Variants in CNTNAP2 observed in about 807,000 individuals in gnomAD.
CNTNAP2 encodes contactin associated protein 2.
In CNTNAP2, 98 loss-of-function variants were observed where a neutral mutation model predicts 155.2. That is an observed-to-expected ratio of 0.63 (90% CI 0.54 to 0.75). The LOEUF (loss-of-function observed/expected upper bound fraction) is 0.75, where lower values mean the gene tolerates loss of function less well. CNTNAP2 is among the 30% of genes least tolerant of loss of function. CNTNAP2 has a pLI of 0.00. For synonymous variants in CNTNAP2, 651 were observed against 631.2 expected (o/e 1.03, Z -0.47); for missense variants, 1,727 against 1,688.1 (o/e 1.02, Z -0.40).
At chr7:146,354,805 G>A (rs1240843046) in intron 1 of CNTNAP2, among the ~76,000 whole-genome samples, 2 of 140,970 alleles carry the variant, frequency 1.4e-5, no homozygotes, top group African/African-American at 6.5e-5. Flanking sequence ...TTCTAATCAC[G>A]AAGGAGGAGA....
chr7:147,792,204 A>G (rs117614315), intron 13 of CNTNAP2, among the ~76,000 whole-genome samples: 2 of 152,316 alleles, frequency 1.3e-5, no homozygotes, highest in East Asian at 1.9e-4. Context: ...CTTTATGAAG[A>G]TACAATTCAC....
chr7:147,382,569 G>T (rs1187756722), intron 9 of CNTNAP2, among the ~76,000 whole-genome samples: 1 of 152,134 alleles, frequency 6.6e-6, no homozygotes, highest in African/African-American at 2.4e-5. Context: ...ATATTAAAAT[G>T]GAGGAGTCAA....
chr7:146,825,698 A>G (rs1440953959), intron 2 of CNTNAP2, among the ~76,000 whole-genome samples: 1 of 152,174 alleles, frequency 6.6e-6, no homozygotes, highest in African/African-American at 2.4e-5. Context: ...ACTGCAAGTC[A>G]GAGCAATATC....
intron 10 of CNTNAP2, among the ~76,000 whole-genome samples, chr7:147,441,813 TTCTCTCTCTCTCTCTCTCTCTCTC>T (rs568227936): frequency 2.0e-5 from 2 of 102,112 alleles, no homozygotes; most frequent in Non-Finnish European, 3.6e-5. Flanking sequence ...TGTAGTCTCT[TTCTCTCTCTCTCTCTCTCTCTCTC>T]TCTCTCTCTC....
At chr7:146,943,879 C>T (rs1004756131) in intron 3 of CNTNAP2, among the ~76,000 whole-genome samples, 1 of 152,094 alleles carries the variant, frequency 6.6e-6, no homozygotes, top group Admixed American at 6.5e-5. Context: ...ATTAGCATAA[C>T]ACAGCATTTT....
At chr7:148,247,349 A>C (rs1796280161) in intron 20 of CNTNAP2, among the ~76,000 whole-genome samples, 1 of 152,154 alleles carries the variant, frequency 6.6e-6, no homozygotes, top group African/African-American at 2.4e-5. Flanking sequence ...TGTGAGTCCC[A>C]TTTAAAATCA....
At chr7:147,928,501 A>G (rs1383565783) in intron 14 of CNTNAP2, among the ~76,000 whole-genome samples, 1 of 152,208 alleles carries the variant, frequency 6.6e-6, no homozygotes, top group African/African-American at 2.4e-5. Flanking sequence ...TCTCATTAGA[A>G]GAAAACTTTA....
At chr7:147,082,783 G>A (rs962881654) in intron 4 of CNTNAP2, 5 of 152,168 alleles carry the variant, frequency 3.3e-5, no homozygotes, top group African/African-American at 4.8e-5. Context: ...TGATGGAAGT[G>A]TCAGGGTGGA....
chr7:146,348,302 G>A (rs1794847976), intron 1 of CNTNAP2, among the ~76,000 whole-genome samples: 1 of 152,144 alleles, frequency 6.6e-6, no homozygotes, highest in Admixed American at 6.5e-5. Flanking sequence ...GCAGGCACCA[G>A]TAATCCCAGC....
At chr7:147,773,781 C>T (rs1213499794) in intron 13 of CNTNAP2, among the ~76,000 whole-genome samples, 1 of 152,118 alleles carries the variant, frequency 6.6e-6, no homozygotes, top group African/African-American at 2.4e-5. Context: ...CAGATCTTGC[C>T]CCACTCTCTT....
chr7:148,312,589 A>G (rs1242363328), intron 21 of CNTNAP2, among the ~76,000 whole-genome samples: 2 of 152,118 alleles, frequency 1.3e-5, no homozygotes, highest in East Asian at 3.9e-4. Flanking sequence ...ATAGGAGAGT[A>G]TATGGGTTTG....
intron 8 of CNTNAP2, among the ~76,000 whole-genome samples, chr7:147,133,168 C>T (rs866237010): frequency 2.6e-5 from 4 of 152,134 alleles, no homozygotes; most frequent in Non-Finnish European, 4.4e-5. Context: ...CTTGGAAGTT[C>T]TTTGATAAAT....
intron 1 of CNTNAP2, among the ~76,000 whole-genome samples, chr7:146,426,788 G>A (rs192539256): frequency 2.6e-5 from 4 of 151,946 alleles, no homozygotes; most frequent in African/African-American, 7.2e-5. Context: ...TATACATCAC[G>A]GGGACTACAG....
intron 13 of CNTNAP2, among the ~76,000 whole-genome samples, chr7:147,898,152 A>G (rs1799248830): frequency 6.6e-6 from 1 of 152,222 alleles, no homozygotes; most frequent in African/African-American, 2.4e-5. Context: ...AAAAATCAAG[A>G]AATTTGTTTG....
At chr7:146,796,148 A>G (rs762813188) in intron 2 of CNTNAP2, among the ~76,000 whole-genome samples, 1 of 152,226 alleles carries the variant, frequency 6.6e-6, no homozygotes, top group African/African-American at 2.4e-5. Context: ...ACAGAAAGGC[A>G]TGCTTTATTG....
At chr7:147,878,386 C>T (rs1035083) in intron 13 of CNTNAP2, among the ~76,000 whole-genome samples, 6,007 of 151,600 alleles carry the variant, frequency 0.04, 248 homozygotes, top group East Asian at 0.16. Context: ...TCCCTACCAG[C>T]CACTTGACTT....
intron 9 of CNTNAP2, among the ~76,000 whole-genome samples, chr7:147,301,119 T>C (rs1462287846): frequency 1.3e-5 from 2 of 152,182 alleles, no homozygotes; most frequent in African/African-American, 4.8e-5. Context: ...CATTGATTCC[T>C]GGGTGCCATT....
intron 9 of CNTNAP2, among the ~76,000 whole-genome samples, chr7:147,361,337 T>C (rs779396197): frequency 2.0e-5 from 3 of 152,230 alleles, no homozygotes; most frequent in Non-Finnish European, 4.4e-5. Context: ...ACACTAATAA[T>C]ATAATGTTAG....
chr7:147,631,692 C>T (rs1257591120), intron 12 of CNTNAP2, among the ~76,000 whole-genome samples: 4 of 152,140 alleles, frequency 2.6e-5, no homozygotes, highest in Admixed American at 1.3e-4. Flanking sequence ...TTAAAGCCAA[C>T]TGATCTTCAA....
Sources: gnomAD v4.1 joint callset for allele counts (sites outside exome capture counted in the v4.1 genomes callset) on GRCh38, gnomAD v4.1.1 for gene constraint, MANE v1.5 for transcripts, NCBI Gene and HGNC (gene_info 2026-07-23, HGNC 2026-07-21) for gene names.